The following MFNG variants were observed in gnomAD, a reference collection of about 807,000 sequenced individuals.
MFNG encodes the protein MFNG O-fucosylpeptide 3-beta-N-acetylglucosaminyltransferase, also known as beta-1,3-N-acetylglucosaminyltransferase manic fringe.
Under a neutral mutation model 34.2 loss-of-function variants are expected in MFNG, and 24 were observed. The ratio of observed to expected loss-of-function variants is 0.70; its 90% CI spans 0.51 to 0.99. The LOEUF (loss-of-function observed/expected upper bound fraction) is 0.99, where lower values mean the gene tolerates loss of function less well. Among genes scored for constraint, MFNG ranks in the 50% least tolerant of loss-of-function variants. The pLI, the probability that MFNG is intolerant of heterozygous loss-of-function variation, is 0.00. For missense variants in MFNG, 383 were observed against 424.0 expected, an observed-to-expected ratio of 0.90 and a Z score of 0.85; for synonymous variants, 158 against 179.2, an observed-to-expected ratio of 0.88 and a Z score of 0.94.
chr22:37,472,778 C>T (rs1349536257), intron 6 of MFNG: 1 of 394,714 alleles, frequency 2.5e-6, no homozygotes, highest in Non-Finnish European at 4.5e-6. Context: ...GAACAATACC[C>T]CCATCTACAG....
intron 5 of MFNG, among the ~76,000 whole-genome samples, chr22:37,475,801 G>A (rs950681951): frequency 6.6e-6 from 1 of 152,230 alleles, no homozygotes; most frequent in Admixed American, 6.5e-5. Flanking sequence ...TAATTTAGAG[G>A]TGGGCAGAAG....
chr22:37,473,010 G>T (rs1270254733), intron 6 of MFNG, among the ~76,000 whole-genome samples: 1 of 152,136 alleles, frequency 6.6e-6, no homozygotes, highest in African/African-American at 2.4e-5. Context: ...CCCAGCTAGG[G>T]TTCCAGTGCC....
chr22:37,476,310 G>T (rs1351109104), intron 5 of MFNG, among the ~76,000 whole-genome samples: 1 of 151,712 alleles, frequency 6.6e-6, no homozygotes, highest in African/African-American at 2.4e-5. Flanking sequence ...AATATTAGGA[G>T]TAATATCATC....
At position 37,482,987 on chromosome 22, in the gene MFNG, G is replaced by A. The variant is rs1016018166; in HGVS notation, c.256-2218C>T. On this transcript the variant is annotated intron_variant, in intron 1 of 7. Coordinates refer to ENST00000356998, the MANE Select transcript of MFNG (RefSeq NM_002405.4). The surrounding 1 kb of genome is among the most constrained non-coding windows in gnomAD (Gnocchi z 4.1). ...AACACCATCAGGGAGCTGGAGACTC[G>A]TGGACACCACCAGCCCTAGCCTCTC... Among the ~76,000 whole-genome samples the A allele has an allele frequency of 2.0e-5, 3 of 152,154 alleles. No individual in the cohort carries two copies. The highest frequency in any genetic ancestry group is 2.1e-4 in the South Asian group (1 of 4,824).
rs1037324390 is a variant in MFNG, at chr22:37,483,221, G to A, written c.256-2452C>T. Among the ~76,000 whole-genome samples, 1 of 152,076 alleles carries A rather than the reference G, an allele frequency of 6.6e-6. No individual in the cohort carries two copies. The highest frequency in any genetic ancestry group is 1.9e-4 in the East Asian group (1 of 5,184). ...CTGCTCACCAGCCTCCAAATCGTCT[G>A]GGACGCTGCTCTTCCCTCCGGCCCA... On this transcript the variant is annotated intron_variant, in intron 1 of 7. Coordinates refer to ENST00000356998, the MANE Select transcript of MFNG (RefSeq NM_002405.4). The surrounding 1 kb of genome is among the most constrained non-coding windows in gnomAD (Gnocchi z 4.5).
chr22:37,477,535 C>T (rs1220424757), intron 4 of MFNG, among the ~76,000 whole-genome samples: 1 of 152,188 alleles, frequency 6.6e-6, no homozygotes, highest in Non-Finnish European at 1.5e-5. Flanking sequence ...CAACCTCCGC[C>T]TCCCAGGTTC....
Position 37,486,285 on chromosome 22 carries a change from C to T in MFNG, c.-108G>A. The T allele has an allele frequency of 7.8e-7, 1 of 1,277,340 alleles. No individual in the cohort carries two copies. The highest frequency in any genetic ancestry group is 1.0e-6 in the Non-Finnish European group (1 of 965,072). 79.1% of individuals were successfully genotyped at this position (1,277,340 alleles called of 1,614,324 possible). A position where few individuals can be genotyped will look rare whatever the true frequency, so the allele number is the denominator to read the frequency against. On this transcript the variant is annotated 5_prime_UTR_variant, in exon 1 of 8. Transcript: ENST00000356998. ...GCAGAGGCAAAAGTCTGGCAGGCAT[C>T]AGGGGCTGGCAAGGAGGGAAGAGGT...
chr22:37,479,617 T>C (rs1922200355), intron 3 of MFNG, 119 bp from the exon 4 acceptor site: 3 of 1,284,246 alleles, frequency 2.3e-6, no homozygotes, highest in Middle Eastern at 1.9e-4. Context: ...GAGGCTGACA[T>C]TTAAGGCATC....
chr22:37,484,012 G>A lies in MFNG; in HGVS notation c.255+1911C>T, dbSNP rs185495701. On this transcript the variant is annotated intron_variant, in intron 1 of 7. Transcript: ENST00000356998. Reference sequence around the variant, plus strand: ...TGGTGAAAACTTCACAGGCAGCCGCGGGAAACAAAGGGACACGCAGCCTGC... The same window carrying A: ...TGGTGAAAACTTCACAGGCAGCCGCAGGAAACAAAGGGACACGCAGCCTGC... Among the ~76,000 whole-genome samples, 55 of 152,312 alleles carry A rather than the reference G, an allele frequency of 3.6e-4. No homozygotes were observed. In the East Asian group the frequency reaches 7.5e-3, roughly 21 times the overall value.
At chr22:37,480,023 C>T (rs902893978) in intron 3 of MFNG, among the ~76,000 whole-genome samples, 174 bp downstream of exon 3, 1 of 152,002 alleles carries the variant, frequency 6.6e-6, no homozygotes, top group Non-Finnish European at 1.5e-5. Context: ...AAGCCATTTT[C>T]CCAAGGTCAC....
chr22:37,471,330 G>A (rs1158142113), intron 7 of MFNG, among the ~76,000 whole-genome samples: 1 of 152,218 alleles, frequency 6.6e-6, no homozygotes, highest in Non-Finnish European at 1.5e-5. Context: ...GGCTAGTCCA[G>A]CTGCCCAGAG....
chr22:37,480,277 G>C lies in MFNG; in HGVS notation c.327C>G (p.Asn109Lys). The part of the protein sequence containing the change: ...ERLGSHLVVT[N>K]CSAEHSHPAL... ...CTGGGTGGCTGTGTTCCGCGGAGCA[G>C]TTGGTGACCACAAGGTGGGACCCTG... is the stretch of plus-strand genomic sequence containing the variant. The change falls in exon 3 of 8, where the codon AAC becomes AAG. Residue 109 changes from asparagine (N) to lysine (K), a missense_variant. Transcript: ENST00000356998. The C allele has an allele frequency of 6.2e-7, 1 of 1,613,810 alleles. No individual in the cohort carries two copies. The highest frequency in any genetic ancestry group is 8.5e-7 in the Non-Finnish European group (1 of 1,179,698).
At chr22:37,475,073 G>GT (rs1475795372) in intron 5 of MFNG, among the ~76,000 whole-genome samples, 2 of 152,196 alleles carry the variant, frequency 1.3e-5, no homozygotes, top group African/African-American at 2.4e-5. Context: ...CCCAACAGCA[G>GT]CCCCTATTCT....
At chr22:37,480,387 A>G in intron 2 of MFNG, 88 bp from the exon 3 acceptor site, 1 of 1,081,494 alleles carries the variant, frequency 9.2e-7, no homozygotes, top group Non-Finnish European at 1.4e-6. Context: ...GCTGGGCAAC[A>G]GGGAGTCTGG....
Position 37,469,579 on chromosome 22 carries a change from T to C in MFNG, c.*384A>G. On this transcript the variant is annotated 3_prime_UTR_variant, in exon 8 of 8. Coordinates refer to ENST00000356998, the MANE Select transcript of MFNG (RefSeq NM_002405.4). Reference sequence around the variant, plus strand: ...GCCCAGCGCTTGAGCCCCAGGGGAATGACTGAGAGACATTAGCCAGGGCCA... The same window carrying C: ...GCCCAGCGCTTGAGCCCCAGGGGAACGACTGAGAGACATTAGCCAGGGCCA... The C allele has an allele frequency of 2.8e-6, 1 of 355,150 alleles. No individual in the cohort carries two copies. The highest frequency in any genetic ancestry group is 5.5e-6 in the Non-Finnish European group (1 of 180,922). 22.0% of individuals were successfully genotyped at this position (355,150 alleles called of 1,614,324 possible).
intron 6 of MFNG, among the ~76,000 whole-genome samples, chr22:37,473,232 G>A (rs1025434297): frequency 6.6e-6 from 1 of 152,126 alleles, no homozygotes; most frequent in African/African-American, 2.4e-5. Flanking sequence ...GAGGTCAGGA[G>A]TTCGAGACCA....
intron 4 of MFNG, among the ~76,000 whole-genome samples, chr22:37,478,197 A>C (rs2145732648): frequency 6.6e-6 from 1 of 152,194 alleles, no homozygotes; most frequent in South Asian, 2.1e-4. Context: ...TTTCCTAATG[A>C]AGCAGATGGG....
intron 1 of MFNG, 113 bp from the exon 2 acceptor site, chr22:37,480,882 G>GACAC: frequency 2.3e-6 from 2 of 872,076 alleles, no homozygotes; most frequent in Middle Eastern, 2.2e-4. Context: ...TCCAGTGACA[G>GACAC]ACACACCCCT....
chr22:37,470,074 T>G lies in MFNG; in HGVS notation c.900-45A>C, dbSNP rs1195976187. 3 of 1,466,778 alleles carry G rather than the reference T, an allele frequency of 2.0e-6. No individual in the cohort carries two copies. In the African/African-American group the frequency reaches 4.2e-5, roughly 21 times the overall value. 90.9% of individuals were successfully genotyped at this position (1,466,778 alleles called of 1,614,324 possible). ...GGACAGGATGGTCACCCCCCACTTC[T>G]GCTCTCAGCCCACTCTCCTAGGTGC... is the stretch of plus-strand genomic sequence containing the variant. On this transcript the variant is annotated intron_variant, in intron 7 of 7. Coordinates refer to ENST00000356998, the MANE Select transcript of MFNG (RefSeq NM_002405.4).
Sources: allele counts gnomAD v4.1 joint callset (sites outside exome capture counted in the v4.1 genomes callset), GRCh38; gene constraint gnomAD v4.1.1; non-coding constraint Gnocchi (gnomAD v3.1); transcripts MANE v1.5; gene names NCBI Gene and HGNC (gene_info 2026-07-23, HGNC 2026-07-21).